Variants in TLCD4 observed in about 807,000 individuals in gnomAD.
The protein encoded by TLCD4 is TLC domain containing 4, also known as TLC domain-containing protein 4.
Under a neutral mutation model 24.2 loss-of-function variants are expected in TLCD4, and 7 were observed. The observed-to-expected ratio is 0.29, with a 90% CI of 0.16 to 0.54. The LOEUF (loss-of-function observed/expected upper bound fraction) is 0.54, where lower values mean the gene tolerates loss of function less well. Among genes scored for constraint, TLCD4 ranks in the 20% least tolerant of loss-of-function variants. The pLI is 0.95. For synonymous variants in TLCD4, 103 were observed against 106.4 expected (o/e 0.97, Z 0.20); for missense variants, 259 against 313.9 (o/e 0.82, Z 1.32).
At chr1:95,097,185 G>T in the TLCD4 span, among the ~76,000 whole-genome samples, 2 of 151,960 alleles carry the variant, frequency 1.3e-5, no homozygotes, top group African/African-American at 4.8e-5. Flanking sequence ...AATGTAATTA[G>T]GATATCCATC....
At chr1:95,145,020 T>G (rs965389518) in intron 2 of TLCD4, among the ~76,000 whole-genome samples, 5 of 152,330 alleles carry the variant, frequency 3.3e-5, no homozygotes, top group East Asian at 3.9e-4. Context: ...TGCAATTTTT[T>G]TGTGTGTGTA....
rs1676490680 is a variant in TLCD4 at position 95,118,478 on chromosome 1, A to G, written c.-12+861A>G. 1.3e-5 allele frequency among the ~76,000 whole-genome samples: 2 copies of G among 152,242 alleles called. 1 individual carries two copies. The highest frequency in any genetic ancestry group is 6.3e-3 in the Middle Eastern group (2 of 316). ...TATATGAAATTATGAAATTTACTTT[A>G]AAGACTGATCTTGGATAATGTTTAA... is the stretch of plus-strand genomic sequence containing the variant. On this transcript the variant is annotated intron_variant, in intron 1 of 6. Coordinates refer to ENST00000370203, the MANE Select transcript of TLCD4 (RefSeq NM_152487.3).
chr1:95,177,782 C>T lies in TLCD4; in HGVS notation c.473+3893C>T, dbSNP rs1330104755. The stretch of plus-strand genomic sequence containing the variant: ...AATCCATTAATTCCTGGGTCACTTA[C>T]CATAAGCAATCCTAGACTAAGTATG... On this transcript the variant is annotated intron_variant, in intron 6 of 6. Coordinates refer to ENST00000370203, the MANE Select transcript of TLCD4 (RefSeq NM_152487.3). 2.6e-5 allele frequency among the ~76,000 whole-genome samples: 4 copies of T among 152,104 alleles called. No homozygotes were observed. The East Asian group carries it at 7.7e-4, about 29-fold the overall frequency.
At chr1:95,149,891 G>C (rs531504746) in intron 3 of TLCD4, among the ~76,000 whole-genome samples, 1 of 152,216 alleles carries the variant, frequency 6.6e-6, no homozygotes, top group South Asian at 2.1e-4. Context: ...GGCACAACTT[G>C]TGCTAAATCT....
At chr1:95,187,169 A>T (rs1208692669) in intron 6 of TLCD4, among the ~76,000 whole-genome samples, 1 of 152,256 alleles carries the variant, frequency 6.6e-6, no homozygotes, top group Non-Finnish European at 1.5e-5. Context: ...AGGCTGATAC[A>T]GAGGGTCCCT....
At chr1:95,117,235 G>A (rs916893972), upstream of TLCD4, 1 of 152,256 alleles carries the variant, frequency 6.6e-6, no homozygotes, top group Non-Finnish European at 1.5e-5. Flanking sequence ...GCTCTTTCCG[G>A]GACCCAAGTT....
In TLCD4 at chr1:95,193,933, A is replaced by G. The variant is rs1679108677; in HGVS notation, c.*2065A>G. 1 of 152,072 alleles carries G rather than the reference A, an allele frequency of 6.6e-6. No individual in the cohort carries two copies. The highest frequency in any genetic ancestry group is 1.5e-5 in the Non-Finnish European group (1 of 67,932). 9.4% of individuals were successfully genotyped at this position (152,072 alleles called of 1,614,324 possible). On this transcript the variant is annotated 3_prime_UTR_variant, in exon 7 of 7. Coordinates refer to ENST00000370203, the MANE Select transcript of TLCD4 (RefSeq NM_152487.3). ...TTTATATAATAAAACTATTTTGGAAATTCATTCTTTTAGAAAGAGACCTTG... is the reference window on the plus strand; with the variant it reads ...TTTATATAATAAAACTATTTTGGAAGTTCATTCTTTTAGAAAGAGACCTTG...
At chr1:95,103,849 G>T in the TLCD4 span, among the ~76,000 whole-genome samples, 2 of 152,098 alleles carry the variant, frequency 1.3e-5, no homozygotes, top group Admixed American at 1.3e-4. Flanking sequence ...TTTGTTAAAC[G>T]AATTAATAAT....
At chr1:95,107,281 G>A in the TLCD4 span, among the ~76,000 whole-genome samples, 1 of 152,080 alleles carries the variant, frequency 6.6e-6, no homozygotes, top group Admixed American at 6.6e-5. Context: ...AAATTAGCCG[G>A]GCGTGGTGGT....
In TLCD4 at chr1:95,131,000, T is replaced by G. The variant is rs944643858; in HGVS notation, c.-11-12891T>G. On this transcript the variant is annotated intron_variant, in intron 1 of 6. Coordinates refer to ENST00000370203, the MANE Select transcript of TLCD4 (RefSeq NM_152487.3). The stretch of plus-strand genomic sequence containing the variant: ...GATTACCCTGGTAAAACAAGGAATC[T>G]ATAACACTAGCAGAATGGAAAGCAC... Among the ~76,000 whole-genome samples, 4 of 152,214 alleles carry G rather than the reference T, an allele frequency of 2.6e-5. No homozygotes were observed. In the East Asian group the frequency reaches 5.8e-4, roughly 22 times the overall value.
chr1:95,151,415 T>TACTGGTG lies in TLCD4; in HGVS notation c.397_399+4dup. ...GCGTCCCTGTATGCATACTACCTTG[T>TACTGGTG]ACTGGTGAGTTCCAGGATTTTCTGT... On this transcript the variant is annotated frameshift_variant, in exon 5 of 7. Transcript: ENST00000370203. LOFTEE classifies it high-confidence loss of function. The TACTGGTG allele has an allele frequency of 6.2e-7, 1 of 1,612,506 alleles. No homozygotes were observed. The highest frequency in any genetic ancestry group is 8.5e-7 in the Non-Finnish European group (1 of 1,179,112).
chr1:95,093,724 T>C, the TLCD4 span, among the ~76,000 whole-genome samples: 1 of 152,240 alleles, frequency 6.6e-6, no homozygotes, highest in African/African-American at 2.4e-5. Flanking sequence ...AATTCGTATG[T>C]CCAACCAGGA....
chr1:95,101,397 CCTGA>C, the TLCD4 span, among the ~76,000 whole-genome samples: 1 of 145,494 alleles, frequency 6.9e-6, no homozygotes, highest in Non-Finnish European at 1.5e-5. Flanking sequence ...TGCCATTGTG[CCTGA>C]CTAATTAAAG....
the TLCD4 span, among the ~76,000 whole-genome samples, chr1:95,105,893 TTAAAAAA>T: frequency 1.9e-5 from 2 of 102,864 alleles, no homozygotes; most frequent in Non-Finnish European, 4.2e-5. Context: ...AGACTCCGTC[TTAAAAAA>T]AAAAAAAAAA....
chr1:95,130,633 A>G (rs547993217), intron 1 of TLCD4, among the ~76,000 whole-genome samples: 1 of 152,322 alleles, frequency 6.6e-6, no homozygotes, highest in Non-Finnish European at 1.5e-5. Context: ...CTTGGTAAAT[A>G]GCTCATCTTC....
Position 95,194,282 on chromosome 1 carries a change from A to G in TLCD4, c.*2414A>G, listed in dbSNP as rs989029446. 6.6e-6 allele frequency: 1 copy of G among 152,130 alleles called. No individual in the cohort carries two copies. The highest frequency in any genetic ancestry group is 1.5e-5 in the Non-Finnish European group (1 of 67,984). The allele number at this position is 152,130 out of a possible 1,614,324, so 9.4% of individuals were successfully genotyped here. On this transcript the variant is annotated 3_prime_UTR_variant, in exon 7 of 7. Coordinates refer to ENST00000370203, the MANE Select transcript of TLCD4 (RefSeq NM_152487.3). ...GATTAAATATCCTGAAGTAGGTTCT[A>G]TATATTTCCTCATACAACAGACATG...
intron 6 of TLCD4, among the ~76,000 whole-genome samples, chr1:95,181,268 A>G (rs1464314474): frequency 2.0e-5 from 3 of 151,984 alleles, no homozygotes; most frequent in Non-Finnish European, 4.4e-5. Context: ...AATATCTGGA[A>G]TGATAGAATT....
chr1:95,124,955 C>T (rs1676673145), intron 1 of TLCD4, among the ~76,000 whole-genome samples: 1 of 152,186 alleles, frequency 6.6e-6, no homozygotes, highest in Admixed American at 6.5e-5. Flanking sequence ...AGCCACCATT[C>T]TAAGAAGTCT....
chr1:95,189,804 A>G (rs751114963), intron 6 of TLCD4, among the ~76,000 whole-genome samples: 6 of 152,238 alleles, frequency 3.9e-5, no homozygotes, highest in Non-Finnish European at 5.9e-5. Context: ...GTTGGCAGTT[A>G]TGAATAAAGC....
Sources: gnomAD v4.1 joint callset for allele counts (sites outside exome capture counted in the v4.1 genomes callset) on GRCh38, gnomAD v4.1.1 for gene constraint, MANE v1.5 for transcripts, NCBI Gene and HGNC (gene_info 2026-07-23, HGNC 2026-07-21) for gene names.